The following HDAC4 variants were observed in gnomAD, a reference collection of about 807,000 sequenced individuals.
HDAC4 encodes histone deacetylase 4.
A neutral mutation model predicts 135.1 loss-of-function variants in HDAC4; 16 were observed. The ratio of observed to expected loss-of-function variants is 0.12; its 90% CI spans 0.08 to 0.18. HDAC4 has a LOEUF of 0.18. Ranked by LOEUF, HDAC4 falls within the 10% of genes least tolerant of loss-of-function variation. The pLI, the probability that HDAC4 is intolerant of heterozygous loss-of-function variation, is 1.00. For synonymous variants in HDAC4, 685 were observed against 653.4 expected, an observed-to-expected ratio of 1.05 and a Z score of -0.74; for missense variants, 1,143 against 1,511.8, an observed-to-expected ratio of 0.76 and a Z score of 4.05.
At chr2:239,305,992 C>A (rs916346327) in intron 2 of HDAC4, among the ~76,000 whole-genome samples, 2 of 152,206 alleles carry the variant, frequency 1.3e-5, no homozygotes, top group African/African-American at 2.4e-5. Context: ...CCTGGGCAAG[C>A]ACAGTGTCTG....
chr2:239,121,591 C>G (rs3791442), intron 12 of HDAC4, among the ~76,000 whole-genome samples: 1 of 152,088 alleles, frequency 6.6e-6, no homozygotes, highest in Non-Finnish European at 1.5e-5. Context: ...AGGTCTTTTT[C>G]CTCCCTTTCA....
intron 6 of HDAC4, among the ~76,000 whole-genome samples, chr2:239,157,764 A>T (rs557354171): frequency 1.3e-5 from 2 of 152,370 alleles, no homozygotes; most frequent in South Asian, 4.1e-4. Flanking sequence ...TATTTGAATT[A>T]AGAATGGGAG....
At chr2:239,383,442 C>T (rs769991778) in intron 1 of HDAC4, among the ~76,000 whole-genome samples, 6 of 152,210 alleles carry the variant, frequency 3.9e-5, no homozygotes, top group Admixed American at 6.5e-5. Flanking sequence ...GACATGTGGG[C>T]AGGCAGGGGC....
rs951707887 is a variant in HDAC4 at position 239,285,807 on chromosome 2, G to A, written c.23-49143C>T. On this transcript the variant is annotated intron_variant, in intron 2 of 26. Transcript: ENST00000543185. This position sits in a 1 kb window ranked among gnomAD's most constrained non-coding sequence, Gnocchi z 4.5. The stretch of plus-strand genomic sequence containing the variant: ...GAGGGCAGCGGGTGGAGGACTGCAT[G>A]GGGGTCAGGACCGAGGTGAGCCCAG... Among the ~76,000 whole-genome samples, 1 of 152,164 alleles carries A rather than the reference G, an allele frequency of 6.6e-6. No individual in the cohort carries two copies. Among genetic ancestry groups the A allele is most frequent in the Non-Finnish European group, 1.5e-5 (1 of 68,022 alleles).
chr2:239,190,076 C>T lies in HDAC4; in HGVS notation c.96G>A (p.Val32=). The T allele has an allele frequency of 6.3e-7, 1 of 1,599,168 alleles. No homozygotes were observed. Among genetic ancestry groups the T allele is most frequent in the Non-Finnish European group, 8.5e-7 (1 of 1,178,628 alleles). ...GCAGAGGCAGCGCCGTGGCCACATC[C>T]ACTGTGGGAAAAACAAGCAGGAGAG... ...PARVNHMPST[V]DVATALPLQV... Residue 32 remains valine (V), a splice_region_variant and synonymous_variant, in exon 4 of 27, where the codon GTG becomes GTA. Transcript: ENST00000543185.
chr2:239,357,051 A>G (rs1234984915), intron 1 of HDAC4, among the ~76,000 whole-genome samples: 2 of 152,230 alleles, frequency 1.3e-5, no homozygotes, highest in Non-Finnish European at 2.9e-5. Flanking sequence ...AACACTCCAT[A>G]AACAACGGCT....
chr2:239,095,261 G>A (rs1435869602), intron 16 of HDAC4, among the ~76,000 whole-genome samples: 1 of 150,032 alleles, frequency 6.7e-6, no homozygotes, highest in Non-Finnish European at 1.5e-5. Flanking sequence ...TGTGAGGGCT[G>A]AGCTGGGTCA....
At chr2:239,394,038 T>C (rs1696402356) in intron 1 of HDAC4, among the ~76,000 whole-genome samples, 1 of 146,140 alleles carries the variant, frequency 6.8e-6, no homozygotes, top group Admixed American at 6.8e-5. Context: ...CTTCCTCAGT[T>C]TAAAAAAGAA....
Position 239,101,970 on chromosome 2 carries a change from T to C in HDAC4, c.2233+806A>G, listed in dbSNP as rs1423868451. On this transcript the variant is annotated intron_variant, in intron 16 of 26. Transcript: ENST00000543185. ...CCCCGCCCAGGGTCTGGGTTCTGTG[T>C]CCTGGGAGCCCCCAGCCCTGGGTCC... 1.5e-3 allele frequency among the ~76,000 whole-genome samples: 156 copies of C among 102,278 alleles called. 5 individuals carry two copies. Among genetic ancestry groups the C allele is most frequent in the South Asian group, 3.4e-4 (1 of 2,902 alleles). 67.1% of individuals were successfully genotyped at this position (102,278 alleles called of 152,430 possible).
At chr2:239,132,963 C>T (rs899332323) in intron 11 of HDAC4, among the ~76,000 whole-genome samples, 29 of 152,156 alleles carry the variant, frequency 1.9e-4, no homozygotes, top group Non-Finnish European at 3.2e-4. Flanking sequence ...CAGAGAGATC[C>T]GCGTGCCTGC....
At chr2:239,344,254 C>G (rs551863576) in intron 2 of HDAC4, among the ~76,000 whole-genome samples, 1 of 152,252 alleles carries the variant, frequency 6.6e-6, no homozygotes, top group South Asian at 2.1e-4. Flanking sequence ...TAATGATTCT[C>G]ACACCGCGTT....
chr2:239,121,383 G>A (rs1211426789), intron 12 of HDAC4, among the ~76,000 whole-genome samples: 4 of 152,138 alleles, frequency 2.6e-5, no homozygotes, highest in Admixed American at 2.6e-4. Context: ...CTCTCTTCCT[G>A]GGGGGCTGTT....
intron 22 of HDAC4, among the ~76,000 whole-genome samples, chr2:239,071,833 A>C (rs2034232901): frequency 6.6e-6 from 1 of 152,156 alleles, no homozygotes; most frequent in African/African-American, 2.4e-5. Flanking sequence ...TTAATTCTGC[A>C]GGCAGAGTTG....
At chr2:239,371,182 C>T (rs1694583861) in intron 1 of HDAC4, among the ~76,000 whole-genome samples, 1 of 152,196 alleles carries the variant, frequency 6.6e-6, no homozygotes, top group Admixed American at 6.5e-5. Context: ...GCCTGCACCA[C>T]GGCCCCGTCC....
At chr2:239,156,987 G>A (rs895009774) in intron 6 of HDAC4, among the ~76,000 whole-genome samples, 4 of 152,170 alleles carry the variant, frequency 2.6e-5, no homozygotes, top group Admixed American at 6.5e-5. Flanking sequence ...CCTCCTCTGC[G>A]GGACCAGCAG....
At chr2:239,341,140 G>T (rs889153736) in intron 2 of HDAC4, among the ~76,000 whole-genome samples, 1 of 152,206 alleles carries the variant, frequency 6.6e-6, no homozygotes, top group South Asian at 2.1e-4. Context: ...AAATGTTCTA[G>T]AACTCTTTTT....
chr2:239,221,817 C>A (rs1006861773), intron 3 of HDAC4, among the ~76,000 whole-genome samples: 2 of 152,170 alleles, frequency 1.3e-5, no homozygotes, highest in South Asian at 4.1e-4. Flanking sequence ...GTGAATATTT[C>A]TTTCAAAAGG....
rs2030693748 is a variant in HDAC4 at position 239,050,586 on chromosome 2, CA to C, written c.*2510del. On this transcript the variant is annotated 3_prime_UTR_variant, in exon 27 of 27. Transcript: ENST00000543185. ...CCACTGTCTCAGAGCTGACCATCAG[CA>C]GCCCAGTGACCAAGTGAATCCAAGA... is the stretch of plus-strand genomic sequence containing the variant. 2.0e-5 allele frequency: 3 copies of C among 152,694 alleles called. No homozygotes were observed. In the South Asian group the frequency reaches 6.2e-4, roughly 32 times the overall value. The allele number at this position is 152,694 out of a possible 1,614,324, so 9.5% of individuals were successfully genotyped here.
chr2:239,172,241 T>C (rs1353609066), intron 5 of HDAC4, among the ~76,000 whole-genome samples: 3 of 147,786 alleles, frequency 2.0e-5, no homozygotes, highest in Non-Finnish European at 4.5e-5. Flanking sequence ...GAAATCCTAC[T>C]GATAATCAGT....
Sources: gnomAD v4.1 joint callset for allele counts (sites outside exome capture counted in the v4.1 genomes callset) on GRCh38, gnomAD v4.1.1 for gene constraint, Gnocchi (gnomAD v3.1) non-coding constraint, MANE v1.5 for transcripts, NCBI Gene and HGNC (gene_info 2026-07-23, HGNC 2026-07-21) for gene names.